The following WDFY2 variants were observed in gnomAD, a reference collection of about 807,000 sequenced individuals.
WDFY2 encodes WD repeat and FYVE domain containing 2.
In WDFY2, 36 loss-of-function variants were observed where a neutral mutation model predicts 56.4. The ratio of observed to expected loss-of-function variants is 0.64; its 90% confidence interval spans 0.49 to 0.84. The LOEUF (loss-of-function observed/expected upper bound fraction) is 0.84. WDFY2 is among the 40% of genes least tolerant of loss of function. The probability of loss-of-function intolerance (pLI) is 0.00; values close to 1 mark genes in which losing one functional copy is unlikely to be tolerated. For missense variants in WDFY2, 444 were observed against 512.2 expected, an observed-to-expected ratio of 0.87 and a Z score of 1.29; for synonymous variants, 176 against 183.7, an observed-to-expected ratio of 0.96 and a Z score of 0.34.
intron 3 of WDFY2, among the ~76,000 whole-genome samples, chr13:51,694,177 A>G (rs1951811044): frequency 6.6e-6 from 1 of 152,110 alleles, no homozygotes; most frequent in African/African-American, 2.4e-5. Flanking sequence ...CATTTAGTCC[A>G]TTTACATTTA....
intron 1 of WDFY2, among the ~76,000 whole-genome samples, chr13:51,593,615 T>C (rs752029552): frequency 2.6e-5 from 4 of 152,184 alleles, no homozygotes; most frequent in Admixed American, 6.5e-5. Flanking sequence ...TGGTACTTTA[T>C]TGATGTTTAA....
At chr13:51,737,214 C>A (rs1179248159) in intron 6 of WDFY2, among the ~76,000 whole-genome samples, 1 of 152,066 alleles carries the variant, frequency 6.6e-6, no homozygotes, top group Non-Finnish European at 1.5e-5. Context: ...AGTAGTCAGC[C>A]AGGCACATGC....
chr13:51,701,039 T>G (rs1161357658), intron 3 of WDFY2, among the ~76,000 whole-genome samples: 2 of 152,216 alleles, frequency 1.3e-5, no homozygotes, highest in Non-Finnish European at 2.9e-5. Context: ...TGTACTCATG[T>G]GGAATTGCAT....
intron 2 of WDFY2, among the ~76,000 whole-genome samples, chr13:51,661,602 G>A (rs563599528): frequency 6.3e-4 from 96 of 152,024 alleles, no homozygotes; most frequent in Non-Finnish European, 1.2e-3. Context: ...TCTGCTTCTG[G>A]CAAAAGAGTA....
chr13:51,634,046 T>C (rs927169880), intron 1 of WDFY2, among the ~76,000 whole-genome samples: 3 of 152,180 alleles, frequency 2.0e-5, no homozygotes, highest in African/African-American at 4.8e-5. Flanking sequence ...TTCTAAGAGG[T>C]TAAATTAATT....
intron 1 of WDFY2, among the ~76,000 whole-genome samples, chr13:51,644,847 GTC>G (rs2138412334): frequency 6.6e-6 from 1 of 152,308 alleles, no homozygotes; most frequent in East Asian, 1.9e-4. Flanking sequence ...CCCAGCTTGA[GTC>G]TCTGAGTCTT....
At chr13:51,731,940 A>G (rs898421651) in intron 6 of WDFY2, among the ~76,000 whole-genome samples, 3 of 152,210 alleles carry the variant, frequency 2.0e-5, no homozygotes, top group Non-Finnish European at 2.9e-5. Flanking sequence ...CCTAGTAGTC[A>G]TGTCCAAAGG....
intron 3 of WDFY2, among the ~76,000 whole-genome samples, chr13:51,682,778 A>G (rs1327298044): frequency 1.3e-5 from 2 of 152,148 alleles, no homozygotes; most frequent in Non-Finnish European, 2.9e-5. Flanking sequence ...CATTATCATC[A>G]TCATCAGTAG....
At chr13:51,716,173 G>A (rs7990679) in intron 4 of WDFY2, among the ~76,000 whole-genome samples, 72,978 of 151,994 alleles carry the variant, frequency 0.48, 17,799 homozygotes, top group Admixed American at 0.55. Context: ...GGAATAGGAG[G>A]GAATTCACAG....
chr13:51,624,861 G>C (rs1031222066), intron 1 of WDFY2, among the ~76,000 whole-genome samples: 2 of 152,194 alleles, frequency 1.3e-5, no homozygotes, highest in Non-Finnish European at 2.9e-5. Flanking sequence ...GAACGTCCCT[G>C]GTTTTCAGCA....
At chr13:51,629,270 A>G (rs920756844) in intron 1 of WDFY2, among the ~76,000 whole-genome samples, 2 of 152,224 alleles carry the variant, frequency 1.3e-5, no homozygotes, top group African/African-American at 4.8e-5. Flanking sequence ...TAGATAGATT[A>G]CAGTAGATTT....
chr13:51,589,772 A>T (rs1954009620), intron 1 of WDFY2: 1 of 152,180 alleles, frequency 6.6e-6, no homozygotes, highest in South Asian at 2.1e-4. Context: ...TGAAGTCTCT[A>T]ATAGCATAAA....
intron 6 of WDFY2, among the ~76,000 whole-genome samples, chr13:51,730,783 G>A (rs932918000): frequency 5.3e-5 from 8 of 152,270 alleles, no homozygotes; most frequent in Middle Eastern, 3.4e-3. Flanking sequence ...GAAAACCAGC[G>A]TGTTCAAGGC....
At chr13:51,654,328 A>T (rs970596574) in intron 1 of WDFY2, among the ~76,000 whole-genome samples, 4 of 152,062 alleles carry the variant, frequency 2.6e-5, no homozygotes, top group African/African-American at 9.7e-5. Flanking sequence ...TAGTAAAGGG[A>T]TTCCCTGACC....
At chr13:51,714,213 C>CAA (rs35033926) in intron 4 of WDFY2, among the ~76,000 whole-genome samples, 2 of 134,662 alleles carry the variant, frequency 1.5e-5, no homozygotes, top group Admixed American at 7.4e-5. Flanking sequence ...TAATTCCTTT[C>CAA]AAAAAAAAAA....
chr13:51,739,085 G>C lies in WDFY2; in HGVS notation c.635G>C (p.Arg212Pro). 2 of 1,600,656 alleles carry C rather than the reference G, an allele frequency of 1.2e-6. No individual in the cohort carries two copies. Among genetic ancestry groups the C allele is most frequent in the Non-Finnish European group, 1.7e-6 (2 of 1,173,920 alleles). The change falls in exon 7 of 12, where the codon CGG becomes CCG. Residue 212 changes from arginine to proline, a missense_variant. Physicochemically the swap from Arg to Pro is moderately radical, Grantham distance 103. Transcript: ENST00000298125. ...VTALCWDPVQ[R>P]VLFSGSSDHS... ...GCTCTCTGTTGGGACCCAGTCCAGC[G>C]GGTGTTGTTCTCAGGCAGTTCAGAT...
chr13:51,649,548 TA>T (rs1955328904), intron 1 of WDFY2, among the ~76,000 whole-genome samples: 1 of 151,370 alleles, frequency 6.6e-6, no homozygotes, highest in South Asian at 2.1e-4. Context: ...TAACATTAGG[TA>T]TATCTCCTAA....
At chr13:51,620,784 A>C (rs531726003) in intron 1 of WDFY2, among the ~76,000 whole-genome samples, 7 of 152,164 alleles carry the variant, frequency 4.6e-5, no homozygotes, top group Admixed American at 2.0e-4. Context: ...CAGAATCCTA[A>C]ATGGGAAGTG....
At chr13:51,672,071 G>A (rs1452891566) in intron 2 of WDFY2, among the ~76,000 whole-genome samples, 6 of 152,156 alleles carry the variant, frequency 3.9e-5, no homozygotes, top group South Asian at 2.1e-4. Context: ...GGCGTGAGCC[G>A]CTGCAGCTGG....
Sources: gnomAD v4.1 joint callset for allele counts (sites outside exome capture counted in the v4.1 genomes callset) on GRCh38, gnomAD v4.1.1 for gene constraint, MANE v1.5 for transcripts, NCBI Gene and HGNC (gene_info 2026-07-23, HGNC 2026-07-21) for gene names.